The following ZDHHC14 variants were observed in gnomAD, a reference collection of about 807,000 sequenced individuals.
ZDHHC14 encodes the protein palmitoyltransferase ZDHHC14.
A neutral mutation model predicts 47.7 loss-of-function variants in ZDHHC14; 16 were observed. The ratio of observed to expected loss-of-function variants is 0.34; its 90% confidence interval spans 0.23 to 0.51. The LOEUF is 0.51. ZDHHC14 is among the 20% of genes least tolerant of loss of function. The pLI, the probability that ZDHHC14 is intolerant of heterozygous loss-of-function variation, is 0.97. For missense variants in ZDHHC14, 515 were observed against 662.5 expected, an observed-to-expected ratio of 0.78 and a Z score of 2.44; for synonymous variants, 293 against 278.9, an observed-to-expected ratio of 1.05 and a Z score of -0.50.
At chr6:157,401,031 G>A (rs1279002142) in intron 1 of ZDHHC14, among the ~76,000 whole-genome samples, 2 of 152,210 alleles carry the variant, frequency 1.3e-5, no homozygotes, top group Admixed American at 6.5e-5. Context: ...CTTGAGTGGA[G>A]GAGACAGCCA....
At chr6:157,411,869 G>T (rs1777876562) in intron 1 of ZDHHC14, among the ~76,000 whole-genome samples, 1 of 151,812 alleles carries the variant, frequency 6.6e-6, no homozygotes, top group South Asian at 2.1e-4. Context: ...ACATCGGGAA[G>T]GGTGGTAGGA....
At chr6:157,665,188 T>C (rs1778498888) in intron 8 of ZDHHC14, among the ~76,000 whole-genome samples, 1 of 152,188 alleles carries the variant, frequency 6.6e-6, no homozygotes, top group Admixed American at 6.5e-5. Context: ...TACTCCCTTA[T>C]ATACAGGCTG....
intron 3 of ZDHHC14, among the ~76,000 whole-genome samples, chr6:157,615,807 G>A (rs1177401227): frequency 6.6e-6 from 1 of 151,996 alleles, no homozygotes; most frequent in Admixed American, 6.6e-5. Context: ...GTTTTGTTTT[G>A]TTTTGTTTTG....
chr6:157,434,766 C>T (rs575055079), intron 1 of ZDHHC14, among the ~76,000 whole-genome samples: 16 of 152,234 alleles, frequency 1.1e-4, no homozygotes, highest in South Asian at 8.3e-4. Flanking sequence ...AACAAGGCTG[C>T]GCCAGTGCCC....
At chr6:157,597,153 G>A (rs750856429) in intron 3 of ZDHHC14, among the ~76,000 whole-genome samples, 8 of 152,116 alleles carry the variant, frequency 5.3e-5, no homozygotes, top group East Asian at 1.9e-4. Context: ...TTGAGGTTAC[G>A]GAATATTTTT....
At chr6:157,535,880 T>C (rs1781530522) in intron 1 of ZDHHC14, among the ~76,000 whole-genome samples, 1 of 152,196 alleles carries the variant, frequency 6.6e-6, no homozygotes, top group Non-Finnish European at 1.5e-5. Context: ...TATTTCTAAG[T>C]ATGTGATTAA....
intron 5 of ZDHHC14, among the ~76,000 whole-genome samples, chr6:157,640,363 G>C (rs1777191903): frequency 6.6e-6 from 1 of 152,192 alleles, no homozygotes; most frequent in Non-Finnish European, 1.5e-5. Flanking sequence ...ACTGGACACT[G>C]ACCCATCTGA....
chr6:157,382,378 A>G lies in ZDHHC14; in HGVS notation c.245+112A>G. ...GAAGTCTTATCTACTGTAAATTGTT[A>G]TATAATGCCAGTCTGCGCTCCCTCT... On this transcript the variant is annotated intron_variant, in intron 1 of 8. Coordinates refer to ENST00000359775, the MANE Select transcript of ZDHHC14 (RefSeq NM_024630.3). The G allele has an allele frequency of 3.9e-6, 5 of 1,278,500 alleles. No individual in the cohort carries two copies. The Middle Eastern group carries it at 5.9e-4, about 151-fold the overall frequency. 79.2% of individuals were successfully genotyped at this position (1,278,500 alleles called of 1,614,324 possible).
chr6:157,605,896 G>A (rs1482236276), intron 3 of ZDHHC14, among the ~76,000 whole-genome samples: 1 of 152,156 alleles, frequency 6.6e-6, no homozygotes, highest in African/African-American at 2.4e-5. Flanking sequence ...TCCAGGAGGA[G>A]TAGAGAAGGT....
intron 1 of ZDHHC14, among the ~76,000 whole-genome samples, chr6:157,472,333 G>T (rs535329052): frequency 1.3e-5 from 2 of 152,208 alleles, no homozygotes; most frequent in South Asian, 2.1e-4. Context: ...CCGTGCACTC[G>T]CTGGATAGAC....
intron 8 of ZDHHC14, 74 bp from the exon 9 acceptor site, chr6:157,672,628 CACCCTCCCCGCCCGTGCCCTGT>C: frequency 4.6e-5 from 11 of 241,496 alleles, no homozygotes; most frequent in East Asian, 1.6e-4. Flanking sequence ...TCTCGCACCC[CACCCTCCCCGCCCGTGCCCTGT>C]CCCCATCCCT....
intron 1 of ZDHHC14, among the ~76,000 whole-genome samples, chr6:157,501,784 G>T (rs1047160810): frequency 6.6e-6 from 1 of 152,106 alleles, no homozygotes; most frequent in African/African-American, 2.4e-5. Flanking sequence ...AATCTGATTT[G>T]GTAAGATTGT....
intron 1 of ZDHHC14, among the ~76,000 whole-genome samples, chr6:157,526,698 G>A (rs1024450492): frequency 6.6e-6 from 1 of 152,198 alleles, no homozygotes; most frequent in African/African-American, 2.4e-5. Context: ...CCCTACGTCT[G>A]TGCTAGTCTC....
At chr6:157,465,262 T>A (rs941957384) in intron 1 of ZDHHC14, among the ~76,000 whole-genome samples, 5 of 152,200 alleles carry the variant, frequency 3.3e-5, no homozygotes, top group African/African-American at 9.7e-5. Flanking sequence ...CAGATTATAC[T>A]TAACTTGTCA....
Position 157,470,860 on chromosome 6 carries a change from G to C in ZDHHC14, c.246-71725G>C, listed in dbSNP as rs182064888. 2.6e-5 allele frequency among the ~76,000 whole-genome samples: 4 copies of C among 152,324 alleles called. No individual in the cohort carries two copies. The East Asian group carries it at 7.7e-4, about 29-fold the overall frequency. On this transcript the variant is annotated intron_variant, in intron 1 of 8. Coordinates refer to ENST00000359775, the MANE Select transcript of ZDHHC14 (RefSeq NM_024630.3). ...TTAGAAAGCAGAACTAATAGAACAT[G>C]GTCTTTGGCCAGTAAAGTCTATACA...
chr6:157,673,399 A>G lies in ZDHHC14; in HGVS notation c.*277A>G. 1 of 501,108 alleles carries G rather than the reference A, an allele frequency of 2.0e-6. No homozygotes were observed. Among genetic ancestry groups the G allele is most frequent in the South Asian group, 3.1e-5 (1 of 32,394 alleles). The allele number at this position is 501,108 out of a possible 1,614,324, so 31.0% of individuals were successfully genotyped here. A position where few individuals can be genotyped will look rare whatever the true frequency, so the allele number is the denominator to read the frequency against. On this transcript the variant is annotated 3_prime_UTR_variant, in exon 9 of 9. Coordinates refer to ENST00000359775, the MANE Select transcript of ZDHHC14 (RefSeq NM_024630.3). The surrounding 1 kb of genome is among the most constrained non-coding windows in gnomAD (Gnocchi z 5.4). ...TCTTTTGGTGACCCTCCAGGGGTGG[A>G]ATCGGAGTGTGTCTGCCCGCCCTTG...
chr6:157,395,121 G>T (rs1004589318), intron 1 of ZDHHC14, among the ~76,000 whole-genome samples: 2 of 150,150 alleles, frequency 1.3e-5, no homozygotes, highest in East Asian at 3.9e-4. Flanking sequence ...CACCTGGATG[G>T]TGTTGCCAGC....
chr6:157,579,240 C>T (rs1783428055), intron 2 of ZDHHC14, among the ~76,000 whole-genome samples: 2 of 141,026 alleles, frequency 1.4e-5, no homozygotes, highest in African/African-American at 2.6e-5. Context: ...CTCTGTCGCC[C>T]AGGCTGGAGT....
chr6:157,560,672 A>G (rs1452476237), intron 2 of ZDHHC14, among the ~76,000 whole-genome samples: 1 of 152,232 alleles, frequency 6.6e-6, no homozygotes, highest in Non-Finnish European at 1.5e-5. Flanking sequence ...AAATCAGTAA[A>G]TGTCATTACA....
Sources: gnomAD v4.1 joint callset for allele counts (sites outside exome capture counted in the v4.1 genomes callset) on GRCh38, gnomAD v4.1.1 for gene constraint, Gnocchi (gnomAD v3.1) non-coding constraint, MANE v1.5 for transcripts, NCBI Gene and HGNC (gene_info 2026-07-23, HGNC 2026-07-21) for gene names.